Variants in ZFHX4 observed in about 807,000 individuals in gnomAD.
The protein encoded by ZFHX4 is zinc finger homeobox protein 4.
Under a neutral mutation model 267.6 loss-of-function variants are expected in ZFHX4, and 56 were observed. The observed-to-expected ratio is 0.21, with a 90% confidence interval of 0.17 to 0.26. The LOEUF (loss-of-function observed/expected upper bound fraction) is 0.26. ZFHX4 is among the 10% of genes least tolerant of loss of function. ZFHX4 has a pLI of 1.00. For missense variants in ZFHX4, 4,332 were observed against 4,420.0 expected, an observed-to-expected ratio of 0.98 and a Z score of 0.56; for synonymous variants, 1,778 against 1,665.6, an observed-to-expected ratio of 1.07 and a Z score of -1.64.
At position 76,706,320 on chromosome 8, in the gene ZFHX4, A is replaced by T; in HGVS notation, c.2232A>T (p.Pro744=). 1 of 1,614,058 alleles carries T rather than the reference A, an allele frequency of 6.2e-7. No individual in the cohort carries two copies. Among genetic ancestry groups the T allele is most frequent in the Non-Finnish European group, 8.5e-7 (1 of 1,179,968 alleles). The change falls in exon 2 of 11, where the codon CCA becomes CCT. Residue 744 remains proline, a synonymous_variant. Coordinates refer to ENST00000651372, the MANE Select transcript of ZFHX4 (RefSeq NM_024721.5). ...AGCAGGTGTTTGGCCACTCTGCCCC[A>T]GCCCCCAACACCAGCCTCAGTGGCT... ...NGEQVFGHSA[P]APNTSLSGCG... is the part of the protein sequence containing the mutation.
At chr8:76,781,879 T>A (rs1033033413) in intron 4 of ZFHX4, among the ~76,000 whole-genome samples, 1 of 152,018 alleles carries the variant, frequency 6.6e-6, no homozygotes, top group Non-Finnish European at 1.5e-5. Flanking sequence ...GCTGGAAAAT[T>A]GTATAAACAC....
At chr8:76,834,119 A>G (rs1419406648) in intron 5 of ZFHX4, 2 of 451,530 alleles carry the variant, frequency 4.4e-6, no homozygotes, top group Non-Finnish European at 8.9e-6. Context: ...CATATGTCAC[A>G]GCTTATTTAT....
At position 76,832,550 on chromosome 8, in the gene ZFHX4, G is replaced by A. The variant is rs114175381; in HGVS notation, c.3326-788G>A. 4.1e-3 allele frequency among the ~76,000 whole-genome samples: 623 copies of A among 152,164 alleles called. 3 individuals are homozygous for A. Among genetic ancestry groups the A allele is most frequent in the African/African-American group, 0.014 (575 of 41,524 alleles). ...AGACTATTACAGAGGCTGCTGAAAC[G>A]GTCAGGAAAGAGAAGAAGACAGAGG... On this transcript the variant is annotated intron_variant, in intron 4 of 10. Coordinates refer to ENST00000651372, the MANE Select transcript of ZFHX4 (RefSeq NM_024721.5).
chr8:76,783,589 A>T (rs1810610466), intron 4 of ZFHX4, among the ~76,000 whole-genome samples: 1 of 152,032 alleles, frequency 6.6e-6, no homozygotes, highest in Non-Finnish European at 1.5e-5. Context: ...CATAATGTAT[A>T]TAAAATATGT....
rs373389538 is a variant in ZFHX4 at position 76,852,024 on chromosome 8, A to G, written c.5103A>G (p.Glu1701=). The change falls in exon 10 of 11, where the codon GAA becomes GAG. Residue 1701 remains glutamate (E), a synonymous_variant. Coordinates refer to ENST00000651372, the MANE Select transcript of ZFHX4 (RefSeq NM_024721.5). The part of the protein sequence containing the change: ...PAQIQMQLQH[E]LQQQAAFFQP... ...AAATTCAGATGCAACTACAGCACGA[A>G]TTACAACAGCAAGCCGCATTCTTTC... The G allele has an allele frequency of 2.5e-6, 4 of 1,613,896 alleles. No homozygotes were observed. The highest frequency in any genetic ancestry group is 3.4e-6 in the Non-Finnish European group (4 of 1,179,888).
intron 3 of ZFHX4, 129 bp downstream of exon 3, chr8:76,708,177 T>C: frequency 8.8e-7 from 1 of 1,135,088 alleles, no homozygotes; most frequent in Non-Finnish European, 1.3e-6. Flanking sequence ...GGGGGCACAG[T>C]TTCTGATTAA....
At chr8:76,837,054 T>C (rs1204907614) in intron 5 of ZFHX4, among the ~76,000 whole-genome samples, 2 of 152,206 alleles carry the variant, frequency 1.3e-5, no homozygotes, top group East Asian at 1.9e-4. Context: ...AGAGCTCTGA[T>C]TTTGGCATAC....
At chr8:76,842,629 A>G (rs760379581) in intron 5 of ZFHX4, 26 bp from the exon 6 acceptor site, 19 of 1,531,416 alleles carry the variant, frequency 1.2e-5, no homozygotes, top group Non-Finnish European at 1.5e-5. Context: ...TTTCAGTTCT[A>G]CTGATTGGTC....
chr8:76,744,077 G>A (rs995102137), intron 3 of ZFHX4, among the ~76,000 whole-genome samples: 1 of 152,136 alleles, frequency 6.6e-6, no homozygotes, highest in Non-Finnish European at 1.5e-5. Context: ...TGGGCACAGT[G>A]GCTCACGCCT....
At chr8:76,726,424 A>G (rs1808854936) in intron 3 of ZFHX4, among the ~76,000 whole-genome samples, 1 of 152,164 alleles carries the variant, frequency 6.6e-6, no homozygotes, top group African/African-American at 2.4e-5. Context: ...ACACATGACC[A>G]TCTCATCAAG....
Position 76,852,195 on chromosome 8 carries a change from C to T in ZFHX4, c.5274C>T (p.Gly1758=). Residue 1758 remains glycine (G), a synonymous_variant, in exon 10 of 11, where the codon GGC becomes GGT. Transcript: ENST00000651372. The part of the protein sequence containing the change: ...FSLGPDLGLP[G]SATFGMPGMT... Reference sequence around the variant, plus strand: ...TGGGGCCAGATTTGGGCTTGCCAGGCTCTGCCACATTTGGGATGCCTGGCA... The same window carrying T: ...TGGGGCCAGATTTGGGCTTGCCAGGTTCTGCCACATTTGGGATGCCTGGCA... 1 of 1,613,872 alleles carries T rather than the reference C, an allele frequency of 6.2e-7. No individual in the cohort carries two copies. Among genetic ancestry groups the T allele is most frequent in the Non-Finnish European group, 8.5e-7 (1 of 1,179,840 alleles).
At chr8:76,815,063 A>C (rs2131851684) in intron 4 of ZFHX4, among the ~76,000 whole-genome samples, 1 of 152,330 alleles carries the variant, frequency 6.6e-6, no homozygotes, top group East Asian at 1.9e-4. Flanking sequence ...GTAATATGAA[A>C]TAAGAATGAA....
At chr8:76,772,653 A>G (rs1810294220) in intron 3 of ZFHX4, among the ~76,000 whole-genome samples, 2 of 152,166 alleles carry the variant, frequency 1.3e-5, no homozygotes, top group South Asian at 2.1e-4. Context: ...GTGTTTCTGA[A>G]CTAGGAAGGT....
At chr8:76,714,085 T>A (rs1808502281) in intron 3 of ZFHX4, among the ~76,000 whole-genome samples, 1 of 152,180 alleles carries the variant, frequency 6.6e-6, no homozygotes, top group African/African-American at 2.4e-5. Context: ...TATGATTTAA[T>A]CAAAAGAGCT....
intron 6 of ZFHX4, 23 bp downstream of exon 6, chr8:76,842,794 C>T (rs1467266430): frequency 1.1e-5 from 17 of 1,507,620 alleles, no homozygotes; most frequent in Middle Eastern, 3.4e-4. Flanking sequence ...AATCTTTCAC[C>T]TCGGCATTTC....
Position 76,757,095 on chromosome 8 carries a change from A to ATT in ZFHX4, c.3094-21111_3094-21110dup, listed in dbSNP as rs1241900255. On this transcript the variant is annotated intron_variant, in intron 3 of 10. Transcript: ENST00000651372. ...GTCAAGCAGGGGTTTCCAGGCAGTA[A>ATT]TTTCTCTCTCCTGAAAACTTTATTA... Among the ~76,000 whole-genome samples, 25 of 152,132 alleles carry ATT rather than the reference A, an allele frequency of 1.6e-4. No individual in the cohort carries two copies. The Middle Eastern group carries it at 0.02, about 124-fold the overall frequency.
In ZFHX4 at chr8:76,705,460, G is replaced by A. The variant is rs565907431; in HGVS notation, c.1372G>A (p.Gly458Arg). 1.2e-6 allele frequency: 2 copies of A among 1,613,708 alleles called. No individual in the cohort carries two copies. The highest frequency in any genetic ancestry group is 1.1e-5 in the South Asian group (1 of 91,024). The change falls in exon 2 of 11, where the codon GGG (glycine) becomes AGG (arginine). Residue 458 changes from glycine to arginine, a missense_variant. Physicochemically the swap from Gly to Arg is moderately radical, Grantham distance 125. This residue lies in a region of ZFHX4 where 1,195 missense variants were observed against 1,173.6 expected (regional missense o/e 1.02). Coordinates refer to ENST00000651372, the MANE Select transcript of ZFHX4 (RefSeq NM_024721.5). ...AGAAAGCAACGTTTTACACCCAAAC[G>A]GGGAGTGCCCTGTCAAAAGTGAACC... Reference protein sequence around the residue: ...PKESNVLHPNGECPVKSEPTE... With the variant: ...PKESNVLHPNRECPVKSEPTE...
chr8:76,704,930 T>G lies in ZFHX4; in HGVS notation c.842T>G (p.Phe281Cys). 6.2e-7 allele frequency: 1 copy of G among 1,614,100 alleles called. No individual in the cohort carries two copies. The highest frequency in any genetic ancestry group is 8.5e-7 in the Non-Finnish European group (1 of 1,179,928). ...AAAAGGAAACCTGTTTTAATGTGTT[T>G]CTTGTGCAAGTTGTCTTTTGGTTAT... ...DGKRKPVLMCFLCKLSFGYIR... is the reference protein window; with the variant it reads ...DGKRKPVLMCCLCKLSFGYIR... Residue 281 changes from phenylalanine to cysteine, a missense_variant, in exon 2 of 11, where the codon TTC (phenylalanine) becomes TGC (cysteine). Physicochemically the swap from Phe to Cys is radical, Grantham distance 205. Around this residue, in one of 7 missense-constraint regions of ZFHX4, gnomAD observed 1,195 missense variants for 1,173.6 expected, o/e 1.02. Coordinates refer to ENST00000651372, the MANE Select transcript of ZFHX4 (RefSeq NM_024721.5).
In ZFHX4 at chr8:76,705,963, G is replaced by A. The variant is rs1483375108; in HGVS notation, c.1875G>A (p.Ser625=). 4 of 1,613,154 alleles carry A rather than the reference G, an allele frequency of 2.5e-6. No individual in the cohort carries two copies. Among genetic ancestry groups the A allele is most frequent in the South Asian group, 1.1e-5 (1 of 91,018 alleles). Residue 625 remains serine, a synonymous_variant, in exon 2 of 11, where the codon TCG becomes TCA. Coordinates refer to ENST00000651372, the MANE Select transcript of ZFHX4 (RefSeq NM_024721.5). ...AGTGCGACACTGTGTTGGGGTCTTC[G>A]AGGTCTCTTGGTGGTCATATGACTA... ...CPKCDTVLGS[S]RSLGGHMTMM...
Sources: gnomAD v4.1 joint callset for allele counts (sites outside exome capture counted in the v4.1 genomes callset) on GRCh38, gnomAD v4.1.1 for gene constraint, gnomAD v4.1.1 regional missense constraint, MANE v1.5 for transcripts, NCBI Gene and HGNC (gene_info 2026-07-23, HGNC 2026-07-21) for gene names.